Variants in POLA1 observed in about 807,000 individuals in gnomAD.
POLA1 encodes DNA polymerase alpha catalytic subunit.
POLA1 carries 15 observed loss-of-function variants against 124.0 expected under a neutral mutation model. The ratio of observed to expected loss-of-function variants is 0.12; its 90% CI spans 0.08 to 0.19. The LOEUF (loss-of-function observed/expected upper bound fraction) is 0.19. POLA1 is among the 10% of genes least tolerant of loss of function. The pLI is 1.00. For synonymous variants in POLA1, 408 were observed against 389.4 expected, an observed-to-expected ratio of 1.05 and a Z score of -0.56; for missense variants, 886 against 1,103.4, an observed-to-expected ratio of 0.80 and a Z score of 2.79.
At chrX:24,751,238 G>T (rs1602332436) in intron 26 of POLA1, among the ~76,000 whole-genome samples, 1 of 111,421 alleles carries the variant, frequency 9.0e-6, no homozygotes. Flanking sequence ...AGCTTAAAAG[G>T]GCACTGTTGA....
intron 36 of POLA1, among the ~76,000 whole-genome samples, chrX:24,977,547 T>C (rs2048379035): frequency 8.9e-6 from 1 of 112,444 alleles, no homozygotes; most frequent in South Asian, 3.7e-4. Context: ...TTTTCATTTA[T>C]GGTGCTGGGT....
At chrX:24,983,730 A>T (rs2048448117) in intron 36 of POLA1, among the ~76,000 whole-genome samples, 1 of 112,372 alleles carries the variant, frequency 8.9e-6, no homozygotes, top group African/African-American at 3.2e-5. Context: ...TCTGATAATG[A>T]TGCAGTCAAT....
chrX:24,944,622 C>A (rs2047941292), intron 36 of POLA1, among the ~76,000 whole-genome samples: 1 of 111,965 alleles, frequency 8.9e-6, no homozygotes, highest in East Asian at 2.8e-4. Context: ...ATGCTACAGG[C>A]ATGTGGGAAT....
intron 22 of POLA1, 39 bp from the exon 23 acceptor site, chrX:24,743,187 ATTAG>A (rs1931780573): frequency 1.5e-6 from 1 of 663,680 alleles, no homozygotes; most frequent in Admixed American, 3.0e-5. Flanking sequence ...AAATTAGTTA[ATTAG>A]TTGCTGGCTG....
chrX:24,871,588 A>AT (rs536082680), intron 34 of POLA1, among the ~76,000 whole-genome samples: 1,211 of 104,254 alleles, frequency 0.012, 18 homozygotes, highest in African/African-American at 0.038. Flanking sequence ...GGGGAACCTT[A>AT]TTTTTTTTTT....
rs182910824 is a variant in POLA1 at position 24,775,509 on chromosome X, G to T, written c.2964+26517G>T. On this transcript the variant is annotated intron_variant, in intron 26 of 36. Coordinates refer to ENST00000379068, the MANE Select transcript of POLA1 (RefSeq NM_001330360.2). ...ATTATCAGAGTGATTTGAAACAGTG[G>T]TGTACACACGAGCACTGTGGGGATG... 8.0e-5 allele frequency among the ~76,000 whole-genome samples: 9 copies of T among 112,199 alleles called. No individual in the cohort carries two copies. In the East Asian group the frequency reaches 2.5e-3, roughly 31 times the overall value.
chrX:24,794,812 T>C (rs7052748), intron 26 of POLA1, among the ~76,000 whole-genome samples: 6,486 of 110,929 alleles, frequency 0.058, 450 homozygotes, highest in African/African-American at 0.2. Context: ...TCTAAACAAA[T>C]GGCTTCAACA....
intron 36 of POLA1, among the ~76,000 whole-genome samples, chrX:24,947,328 C>A (rs990686559): frequency 3.2e-4 from 27 of 84,682 alleles, no homozygotes; most frequent in African/African-American, 1.1e-3. Flanking sequence ...AGTGCATTGG[C>A]GCAATCACGG....
intron 35 of POLA1, among the ~76,000 whole-genome samples, chrX:24,904,827 C>A (rs2047336851): frequency 9.0e-6 from 1 of 110,987 alleles, no homozygotes; most frequent in African/African-American, 3.3e-5. Flanking sequence ...GAGTTCGAGA[C>A]CAGCCTGGCC....
intron 26 of POLA1, among the ~76,000 whole-genome samples, chrX:24,805,402 T>C (rs1046060052): frequency 9.0e-6 from 1 of 111,620 alleles, no homozygotes; most frequent in Admixed American, 9.6e-5. Context: ...AGTCTCCTGA[T>C]TGGGGAGATC....
intron 35 of POLA1, among the ~76,000 whole-genome samples, chrX:24,902,297 A>G (rs1601851606): frequency 8.9e-6 from 1 of 112,285 alleles, no homozygotes; most frequent in East Asian, 2.8e-4. Context: ...GGAGGCAGAA[A>G]GACATTCTTG....
intron 36 of POLA1, among the ~76,000 whole-genome samples, chrX:24,933,927 G>A (rs894042665): frequency 2.7e-5 from 3 of 112,220 alleles, no homozygotes; most frequent in African/African-American, 9.7e-5. Flanking sequence ...CTGCATATTT[G>A]CTGTAACTGC....
Position 24,745,555 on chromosome X carries a change from C to T in POLA1, c.2691+13C>T, listed in dbSNP as rs1413106388. On this transcript the variant is annotated intron_variant, in intron 24 of 36. Transcript: ENST00000379068. ...GAAAGTTACAGAGGTTTGTATTTAA[C>T]CTGGGACTCTTGAAATTGAGTTTAA... 1.7e-5 allele frequency: 19 copies of T among 1,105,205 alleles called. No homozygotes were observed. In the Middle Eastern group the frequency reaches 9.9e-4, roughly 57 times the overall value. The allele number at this position is 1,105,205 out of a possible 1,213,427, so 91.1% of individuals were successfully genotyped here. A position where few individuals can be genotyped will look rare whatever the true frequency, so the allele number is the denominator to read the frequency against.
intron 26 of POLA1, among the ~76,000 whole-genome samples, chrX:24,765,886 T>C (rs1291721679): frequency 1.8e-5 from 2 of 112,078 alleles, no homozygotes; most frequent in East Asian, 5.6e-4. Flanking sequence ...CTGATATGTA[T>C]CTTTCCTTTT....
intron 36 of POLA1, among the ~76,000 whole-genome samples, chrX:24,944,694 C>T (rs753254363): frequency 1.8e-5 from 2 of 111,643 alleles, no homozygotes; most frequent in African/African-American, 3.2e-5. Context: ...TAAGCTCTCA[C>T]GAACTAGAGG....
At chrX:24,708,190 T>C (rs186086015) in intron 4 of POLA1, among the ~76,000 whole-genome samples, 1 of 111,210 alleles carries the variant, frequency 9.0e-6, no homozygotes, top group East Asian at 2.8e-4. Context: ...CCTTCCTTGC[T>C]ATTCAAACCT....
chrX:24,774,208 CCT>C (rs200880199), intron 26 of POLA1, among the ~76,000 whole-genome samples: 6,703 of 111,015 alleles, frequency 0.06, 503 homozygotes, highest in African/African-American at 0.21. Flanking sequence ...CCCACTCTGC[CCT>C]CTCTGCTTCA....
rs761855543 is a variant in POLA1, at chrX:24,726,911, CTT to C, written c.1393-12_1393-11del. 23 of 885,927 alleles carry C rather than the reference CTT, an allele frequency of 2.6e-5. No homozygotes were observed. Among genetic ancestry groups the C allele is most frequent in the Admixed American group, 7.1e-5 (2 of 28,327 alleles). 73.0% of individuals were successfully genotyped at this position (885,927 alleles called of 1,213,427 possible). On this transcript the variant is annotated intron_variant, in intron 13 of 36. Coordinates refer to ENST00000379068, the MANE Select transcript of POLA1 (RefSeq NM_001330360.2). ...AGTAATAGTTTTAAACAAAAAGATT[CTT>C]TTTTTTTTTCCTTTTTCAGGCTGAA...
chrX:24,801,928 T>G (rs112628141), intron 26 of POLA1, among the ~76,000 whole-genome samples: 11 of 91,483 alleles, frequency 1.2e-4, no homozygotes, highest in East Asian at 7.1e-4. Flanking sequence ...TGGGTGGGTG[T>G]GTGTGTGTGT....
Sources: gnomAD v4.1 joint callset for allele counts (sites outside exome capture counted in the v4.1 genomes callset) on GRCh38, gnomAD v4.1.1 for gene constraint, MANE v1.5 for transcripts, NCBI Gene and HGNC (gene_info 2026-07-23, HGNC 2026-07-21) for gene names.